Variants in RFX3 observed in about 807,000 individuals in gnomAD.
RFX3 encodes the protein regulatory factor X3, also known as transcription factor RFX3.
Under a neutral mutation model 98.6 loss-of-function variants are expected in RFX3, and 14 were observed. The observed-to-expected ratio is 0.14, with a 90% CI of 0.09 to 0.22. RFX3 has a LOEUF of 0.22. Among genes scored for constraint, RFX3 ranks in the 10% least tolerant of loss-of-function variants. The pLI is 1.00. For synonymous variants in RFX3, 383 were observed against 328.4 expected, an observed-to-expected ratio of 1.17 and a Z score of -1.80; for missense variants, 639 against 926.9, an observed-to-expected ratio of 0.69 and a Z score of 4.03.
intron 7 of RFX3, among the ~76,000 whole-genome samples, chr9:3,282,404 T>C (rs1826025719): frequency 6.6e-6 from 1 of 151,736 alleles, no homozygotes; most frequent in Non-Finnish European, 1.5e-5. Context: ...TAGCTTTACA[T>C]CTATAATCGG....
At chr9:3,379,241 G>A (rs1033615220) in intron 2 of RFX3, among the ~76,000 whole-genome samples, 1 of 152,176 alleles carries the variant, frequency 6.6e-6, no homozygotes, top group Non-Finnish European at 1.5e-5. Context: ...GTCTGTGAAG[G>A]AAAGGTACAT....
At chr9:3,399,567 A>C (rs891846431) in intron 1 of RFX3, among the ~76,000 whole-genome samples, 2 of 152,216 alleles carry the variant, frequency 1.3e-5, no homozygotes, top group Non-Finnish European at 2.9e-5. Context: ...ACTCTTTTCA[A>C]TTGAATGGCC....
At chr9:3,437,758 C>G (rs994502710) in intron 1 of RFX3, among the ~76,000 whole-genome samples, 1 of 152,034 alleles carries the variant, frequency 6.6e-6, no homozygotes, top group Non-Finnish European at 1.5e-5. Flanking sequence ...CCTATCTCTC[C>G]TTTCACCCTT....
chr9:3,396,771 T>C (rs1371324206), intron 1 of RFX3, among the ~76,000 whole-genome samples: 1 of 152,202 alleles, frequency 6.6e-6, no homozygotes, highest in Non-Finnish European at 1.5e-5. Context: ...TGGTTTTGAT[T>C]TGCATTTCTC....
At chr9:3,236,039 C>A (rs998111062) in intron 15 of RFX3, among the ~76,000 whole-genome samples, 3 of 152,000 alleles carry the variant, frequency 2.0e-5, no homozygotes, top group Non-Finnish European at 4.4e-5. Flanking sequence ...GGAAACACAT[C>A]CAACCCGATT....
intron 1 of RFX3, among the ~76,000 whole-genome samples, chr9:3,468,528 C>A (rs905030148): frequency 2.6e-5 from 4 of 152,112 alleles, no homozygotes; most frequent in African/African-American, 9.7e-5. Flanking sequence ...TCCCTTTTGC[C>A]ACGCAAATAT....
intron 1 of RFX3, among the ~76,000 whole-genome samples, chr9:3,497,428 G>A (rs756300383): frequency 1.3e-5 from 2 of 151,922 alleles, no homozygotes; most frequent in African/African-American, 2.4e-5. Flanking sequence ...TGATAACCTC[G>A]TGGTGAAACT....
chr9:3,509,444 C>T (rs898083575), intron 1 of RFX3, among the ~76,000 whole-genome samples: 1 of 151,892 alleles, frequency 6.6e-6, no homozygotes, highest in African/African-American at 2.4e-5. Flanking sequence ...ATTATTTACA[C>T]TAATACATTG....
At chr9:3,495,567 A>C (rs748258013) in intron 1 of RFX3, among the ~76,000 whole-genome samples, 28 of 152,140 alleles carry the variant, frequency 1.8e-4, no homozygotes, top group Admixed American at 6.5e-5. Flanking sequence ...ATTAACTTAA[A>C]ATGTGCAGAA....
intron 1 of RFX3, among the ~76,000 whole-genome samples, chr9:3,478,705 A>G (rs1335148337): frequency 6.6e-6 from 1 of 152,148 alleles, no homozygotes; most frequent in Non-Finnish European, 1.5e-5. Context: ...ATGTGTACAG[A>G]CTTGCACATT....
At chr9:3,234,920 G>A (rs975050529) in intron 15 of RFX3, among the ~76,000 whole-genome samples, 1 of 152,126 alleles carries the variant, frequency 6.6e-6, no homozygotes, top group Non-Finnish European at 1.5e-5. Flanking sequence ...CATGCATATG[G>A]GCATCAACTG....
At chr9:3,388,087 G>T (rs1034175573) in intron 2 of RFX3, among the ~76,000 whole-genome samples, 3 of 151,978 alleles carry the variant, frequency 2.0e-5, no homozygotes, top group Non-Finnish European at 4.4e-5. Context: ...TTTATCATCG[G>T]TATAATTCTA....
chr9:3,235,857 C>T lies in RFX3; in HGVS notation c.1969-6968G>A, dbSNP rs1428590056. On this transcript the variant is annotated intron_variant, in intron 15 of 16. Transcript: ENST00000617270. Reference sequence around the variant, plus strand: ...GATAATCTCCCCATTTAAATTCAACCAATTAGCAACCTTAGTTCCACTTAT... The same window carrying T: ...GATAATCTCCCCATTTAAATTCAACTAATTAGCAACCTTAGTTCCACTTAT... Among the ~76,000 whole-genome samples the T allele has an allele frequency of 2.6e-5, 4 of 152,088 alleles. No individual in the cohort carries two copies. In the East Asian group the frequency reaches 7.7e-4, roughly 29 times the overall value.
chr9:3,234,786 C>G (rs1321342165), intron 15 of RFX3, among the ~76,000 whole-genome samples: 3 of 152,192 alleles, frequency 2.0e-5, no homozygotes, highest in Admixed American at 1.3e-4. Flanking sequence ...TTGTAAGACC[C>G]TGGAAGACCT....
chr9:3,270,779 G>C, intron 10 of RFX3: 1 of 684,120 alleles, frequency 1.5e-6, no homozygotes, highest in Non-Finnish European at 2.4e-6. Flanking sequence ...CCATGAGGAT[G>C]AAATAACTAC....
chr9:3,239,538 G>A (rs1819633017), intron 15 of RFX3, among the ~76,000 whole-genome samples: 1 of 152,140 alleles, frequency 6.6e-6, no homozygotes, highest in Non-Finnish European at 1.5e-5. Flanking sequence ...CCTGCCTTGG[G>A]GACATAGCAA....
chr9:3,372,655 C>G (rs1837995097), intron 2 of RFX3, among the ~76,000 whole-genome samples: 1 of 150,772 alleles, frequency 6.6e-6, no homozygotes, highest in African/African-American at 2.4e-5. Flanking sequence ...TTGAGAGATT[C>G]TCCTGCCTCA....
At chr9:3,399,360 C>T (rs2132000404) in intron 1 of RFX3, among the ~76,000 whole-genome samples, 1 of 151,962 alleles carries the variant, frequency 6.6e-6, no homozygotes, top group East Asian at 1.9e-4. Context: ...AGGAGAATCC[C>T]TTGAACTTGG....
chr9:3,307,579 G>C (rs914793840), intron 4 of RFX3, among the ~76,000 whole-genome samples: 3 of 152,214 alleles, frequency 2.0e-5, no homozygotes, highest in East Asian at 1.9e-4. Context: ...AAGGGAGAAG[G>C]CTTGGTAGTG....
Sources: gnomAD v4.1 joint callset for allele counts (sites outside exome capture counted in the v4.1 genomes callset) on GRCh38, gnomAD v4.1.1 for gene constraint, MANE v1.5 for transcripts, NCBI Gene and HGNC (gene_info 2026-07-23, HGNC 2026-07-21) for gene names.